TMCO4: variants seen among roughly 807,000 people sequenced by gnomAD.
The protein encoded by TMCO4 is transmembrane and coiled-coil domains 4, also known as transmembrane and coiled-coil domain-containing protein 4.
TMCO4 carries 58 observed loss-of-function variants against 64.7 expected under a neutral mutation model. The observed-to-expected ratio is 0.90, with a 90% CI of 0.73 to 1.12. The LOEUF (loss-of-function observed/expected upper bound fraction) is 1.12. TMCO4 is among the 50% of genes most tolerant of loss of function. TMCO4 has a pLI of 0.00. For missense variants in TMCO4, 780 were observed against 825.9 expected, an observed-to-expected ratio of 0.94 and a Z score of 0.68; for synonymous variants, 325 against 346.1, an observed-to-expected ratio of 0.94 and a Z score of 0.68.
At chr1:19,779,710 G>A (rs1047142864) in intron 4 of TMCO4, among the ~76,000 whole-genome samples, 5 of 152,164 alleles carry the variant, frequency 3.3e-5, no homozygotes, top group South Asian at 2.1e-4. Flanking sequence ...GGCCTTGCTC[G>A]TCTTTGTTTC....
At chr1:19,764,969 G>C (rs1349638192) in intron 6 of TMCO4, among the ~76,000 whole-genome samples, 1 of 151,996 alleles carries the variant, frequency 6.6e-6, no homozygotes, top group African/African-American at 2.4e-5. Context: ...GGGAGGCAGG[G>C]TTTGCAATCC....
chr1:19,778,118 G>A, intron 4 of TMCO4, among the ~76,000 whole-genome samples: 1 of 152,122 alleles, frequency 6.6e-6, no homozygotes, highest in East Asian at 1.9e-4. Context: ...TCATTTTCTG[G>A]ATGAAGAAAC....
At chr1:19,705,476 CAAAT>C (rs150945264) in intron 13 of TMCO4, among the ~76,000 whole-genome samples, 1,594 of 145,516 alleles carry the variant, frequency 0.011, 28 homozygotes, top group African/African-American at 0.038. Flanking sequence ...AATAAATAAA[CAAAT>C]AAATAAAAAT....
chr1:19,787,910 C>T (rs1047667739), intron 2 of TMCO4, among the ~76,000 whole-genome samples: 3 of 152,248 alleles, frequency 2.0e-5, no homozygotes, highest in Non-Finnish European at 4.4e-5. Flanking sequence ...CACGCACCAC[C>T]ATGCCTGGCT....
rs916714723 is a variant in TMCO4 at position 19,775,059 on chromosome 1, G to GGTTT, written c.180-3581_180-3578dup. Among the ~76,000 whole-genome samples, 29 of 152,032 alleles carry GGTTT rather than the reference G, an allele frequency of 1.9e-4. 1 individual carries two copies. The highest frequency in any genetic ancestry group is 6.3e-4 in the African/African-American group (26 of 41,392). Reference sequence around the variant, plus strand: ...AGGGCGCACCTGGCCTGCTGGGTTTGGTTTGTTTGTTTGTTTGTTTTTGAG... The same window carrying GGTTT: ...AGGGCGCACCTGGCCTGCTGGGTTTGGTTTGTTTGTTTGTTTGTTTGTTTTTGAG... On this transcript the variant is annotated intron_variant, in intron 4 of 15. Coordinates refer to ENST00000294543, the MANE Select transcript of TMCO4 (RefSeq NM_181719.7).
intron 3 of TMCO4, among the ~76,000 whole-genome samples, chr1:19,785,403 T>C (rs960907515): frequency 2.6e-5 from 4 of 152,242 alleles, no homozygotes; most frequent in Non-Finnish European, 5.9e-5. Flanking sequence ...CTTATTTGTT[T>C]ACCTGTGTGT....
chr1:19,758,267 C>T (rs1031429344), intron 6 of TMCO4, among the ~76,000 whole-genome samples: 9 of 151,822 alleles, frequency 5.9e-5, no homozygotes, highest in Non-Finnish European at 1.0e-4. Context: ...GAGCTGTCTA[C>T]GTGCTGGGGA....
rs2042971897 is a variant in TMCO4 at position 19,771,331 on chromosome 1, C to CCTTCAAGATGGGGTCCTT, written c.313_330dup (p.Lys105_Lys110dup). The CCTTCAAGATGGGGTCCTT allele has an allele frequency of 1.2e-6, 2 of 1,614,192 alleles. No individual in the cohort carries two copies. The highest frequency in any genetic ancestry group is 1.7e-5 in the Admixed American group (1 of 60,032). On this transcript the variant is annotated inframe_insertion, in exon 5 of 16. Coordinates refer to ENST00000294543, the MANE Select transcript of TMCO4 (RefSeq NM_181719.7). ...ACCTGAGTGATCACCGTCGGGTCGT[C>CCTTCAAGATGGGGTCCTT]CTTCAAGATGGGGTCCTTCAGTAAA...
chr1:19,791,544 T>G (rs921968913), intron 2 of TMCO4, among the ~76,000 whole-genome samples: 7 of 152,160 alleles, frequency 4.6e-5, no homozygotes, highest in Non-Finnish European at 1.0e-4. Context: ...CTGTGTATAC[T>G]GGTTCTTGGG....
chr1:19,772,259 A>G (rs1256948619), intron 4 of TMCO4, among the ~76,000 whole-genome samples: 2 of 152,166 alleles, frequency 1.3e-5, no homozygotes, highest in Non-Finnish European at 2.9e-5. Flanking sequence ...CCACCAGAAA[A>G]GGCTTCCCAG....
chr1:19,740,921 C>A lies in TMCO4; in HGVS notation c.898G>T (p.Ala300Ser), dbSNP rs1166222861. The change falls in exon 11 of 16, where the codon GCT (alanine) becomes TCT (serine). Residue 300 changes from alanine (A) to serine (S), a missense_variant. Transcript: ENST00000294543. Reference sequence around the variant, plus strand: ...TGCTCACGGCTGTGGGCCAGGGCAGCCCACGGGGCACTGAAGGTGCCTGGG... The same window carrying A: ...TGCTCACGGCTGTGGGCCAGGGCAGACCACGGGGCACTGAAGGTGCCTGGG... ...GKYRTFSAPW[A>S]ALAHSREQYC... is the part of the protein sequence containing the mutation. 6.2e-7 allele frequency: 1 copy of A among 1,611,838 alleles called. No homozygotes were observed. Among genetic ancestry groups the A allele is most frequent in the Non-Finnish European group, 8.5e-7 (1 of 1,179,084 alleles).
At chr1:19,749,047 C>A (rs1287092255) in intron 7 of TMCO4, among the ~76,000 whole-genome samples, 4 of 152,186 alleles carry the variant, frequency 2.6e-5, no homozygotes, top group African/African-American at 9.7e-5. Flanking sequence ...CTGTGCATAT[C>A]ATGATACTGG....
At chr1:19,704,955 T>G (rs944072972) in intron 13 of TMCO4, among the ~76,000 whole-genome samples, 89 of 152,180 alleles carry the variant, frequency 5.8e-4, no homozygotes, top group Non-Finnish European at 1.6e-4. Flanking sequence ...CTTAGACCAC[T>G]GCCATGCCCA....
At chr1:19,752,078 A>G (rs1370996812) in intron 7 of TMCO4, among the ~76,000 whole-genome samples, 1 of 152,102 alleles carries the variant, frequency 6.6e-6, no homozygotes. Context: ...TTTTGTACAT[A>G]AAATAGCTTT....
At chr1:19,685,765 G>A (rs1478377202) in intron 15 of TMCO4, among the ~76,000 whole-genome samples, 3 of 143,940 alleles carry the variant, frequency 2.1e-5, no homozygotes, top group Non-Finnish European at 3.0e-5. Flanking sequence ...CCAGGCTGGA[G>A]TGCAATGGTG....
chr1:19,795,526 T>TA, intron 2 of TMCO4, among the ~76,000 whole-genome samples: 1 of 152,086 alleles, frequency 6.6e-6, no homozygotes, highest in African/African-American at 2.4e-5. Flanking sequence ...TTTAAACATT[T>TA]AAAAATCACA....
chr1:19,720,952 G>C (rs1243966121), intron 13 of TMCO4, among the ~76,000 whole-genome samples: 1 of 147,024 alleles, frequency 6.8e-6, no homozygotes, highest in Non-Finnish European at 1.5e-5. Flanking sequence ...TACGAGGAAA[G>C]AAAAAAAAAA....
At chr1:19,740,242 C>T (rs1484807517) in intron 11 of TMCO4, among the ~76,000 whole-genome samples, 1 of 152,202 alleles carries the variant, frequency 6.6e-6, no homozygotes, top group Admixed American at 6.5e-5. Context: ...CAGTGGGGAC[C>T]CCTGCCCTGC....
At chr1:19,777,026 C>CAA (rs59722797) in intron 4 of TMCO4, among the ~76,000 whole-genome samples, 115 of 82,422 alleles carry the variant, frequency 1.4e-3, no homozygotes, top group Non-Finnish European at 1.7e-3. Context: ...GACACTGTCT[C>CAA]AAAAAAAAAA....
Sources: gnomAD v4.1 joint callset for allele counts (sites outside exome capture counted in the v4.1 genomes callset) on GRCh38, gnomAD v4.1.1 for gene constraint, MANE v1.5 for transcripts, NCBI Gene and HGNC (gene_info 2026-07-23, HGNC 2026-07-21) for gene names.